SPAG16: variants seen among roughly 807,000 people sequenced by gnomAD.
The protein encoded by SPAG16 is sperm associated antigen 16.
In SPAG16, 86 loss-of-function variants were observed where a neutral mutation model predicts 80.4. That is an observed-to-expected ratio of 1.07 (90% confidence interval 0.90 to 1.28). The LOEUF is 1.28. Ranked by LOEUF, SPAG16 falls within the 50% of genes most tolerant of loss-of-function variation. SPAG16 has a pLI of 0.00. For missense variants in SPAG16, 870 were observed against 765.3 expected (o/e 1.14, Z -1.61); for synonymous variants, 294 against 265.9 (o/e 1.11, Z -1.03).
chr2:214,035,024 T>A (rs547838903), intron 13 of SPAG16, among the ~76,000 whole-genome samples: 100 of 152,254 alleles, frequency 6.6e-4, no homozygotes, highest in Non-Finnish European at 1.1e-3. Context: ...GGAGCTTTAT[T>A]GTGTGATGTA....
chr2:214,141,367 T>G (rs955623298), intron 14 of SPAG16, among the ~76,000 whole-genome samples: 3 of 151,528 alleles, frequency 2.0e-5, no homozygotes, highest in African/African-American at 7.3e-5. Context: ...CTCAGGAGGC[T>G]GAGGCAGGAG....
At chr2:214,012,314 G>A (rs1188749245) in intron 12 of SPAG16, among the ~76,000 whole-genome samples, 1 of 39,736 alleles carries the variant, frequency 2.5e-5, no homozygotes, top group East Asian at 8.4e-4. Context: ...TTTTTTCCTC[G>A]AGAGGGCATC....
At chr2:213,998,084 C>T (rs532424859) in intron 12 of SPAG16, among the ~76,000 whole-genome samples, 4 of 152,030 alleles carry the variant, frequency 2.6e-5, no homozygotes, top group Non-Finnish European at 4.4e-5. Flanking sequence ...ATTATTGTGC[C>T]CTTTTTGTTG....
At chr2:214,390,684 A>G (rs1701026774) in intron 15 of SPAG16, among the ~76,000 whole-genome samples, 1 of 152,176 alleles carries the variant, frequency 6.6e-6, no homozygotes, top group Admixed American at 6.5e-5. Context: ...AGGGGAGCAC[A>G]GCCTGAGTTC....
At chr2:213,731,832 G>A (rs1169176927) in intron 10 of SPAG16, among the ~76,000 whole-genome samples, 1 of 152,060 alleles carries the variant, frequency 6.6e-6, no homozygotes, top group East Asian at 1.9e-4. Context: ...TAGTGTATAT[G>A]TACTACATTT....
intron 14 of SPAG16, among the ~76,000 whole-genome samples, chr2:214,141,666 T>C (rs879810151): frequency 2.6e-5 from 4 of 152,144 alleles, no homozygotes; most frequent in Non-Finnish European, 4.4e-5. Context: ...AACTAAAGCA[T>C]AGAATTTTAG....
intron 10 of SPAG16, among the ~76,000 whole-genome samples, chr2:213,774,707 C>T (rs906819910): frequency 6.6e-6 from 1 of 152,124 alleles, no homozygotes; most frequent in Admixed American, 6.5e-5. Context: ...TAAAGAAACA[C>T]TTAACACTGA....
At chr2:214,311,716 T>A (rs1695337662) in intron 15 of SPAG16, 1 of 152,146 alleles carries the variant, frequency 6.6e-6, no homozygotes, top group African/African-American at 2.4e-5. Context: ...ACCTGCAAAT[T>A]TGATCTTCTT....
At chr2:214,031,672 A>T (rs1337054613) in intron 13 of SPAG16, among the ~76,000 whole-genome samples, 1 of 151,934 alleles carries the variant, frequency 6.6e-6, no homozygotes, top group African/African-American at 2.4e-5. Flanking sequence ...AGACTGGAAG[A>T]CCTTTACGAA....
chr2:213,297,124 T>A (rs1247892501), intron 2 of SPAG16, 138 bp from the exon 3 acceptor site: 2 of 1,481,688 alleles, frequency 1.3e-6, no homozygotes, highest in Admixed American at 4.3e-5. Context: ...TTTTCATGGA[T>A]CTTCAGAATG....
chr2:213,724,794 A>G (rs1302838129), intron 10 of SPAG16, among the ~76,000 whole-genome samples: 3 of 130,410 alleles, frequency 2.3e-5, no homozygotes, highest in Admixed American at 7.4e-5. Flanking sequence ...AAAAAAAAAA[A>G]AAAAAAAGAA....
intron 15 of SPAG16, among the ~76,000 whole-genome samples, chr2:214,260,275 C>T (rs1691043037): frequency 1.3e-5 from 2 of 152,138 alleles, no homozygotes; most frequent in South Asian, 2.1e-4. Flanking sequence ...AATAACTTAT[C>T]CAGGCAACTA....
At chr2:213,792,064 TTCA>T in intron 10 of SPAG16, among the ~76,000 whole-genome samples, 1 of 152,214 alleles carries the variant, frequency 6.6e-6, no homozygotes, top group East Asian at 1.9e-4. Flanking sequence ...CAAGCCAGTA[TTCA>T]TCGAGACAAA....
intron 12 of SPAG16, among the ~76,000 whole-genome samples, chr2:213,940,521 C>G (rs2106285638): frequency 6.6e-6 from 1 of 152,238 alleles, no homozygotes; most frequent in Non-Finnish European, 1.5e-5. Flanking sequence ...TGTCCAATCA[C>G]TGGCCCCAAT....
At position 214,360,513 on chromosome 2, in the gene SPAG16, C is replaced by A. The variant is rs558378322; in HGVS notation, c.1721-49627C>A. On this transcript the variant is annotated intron_variant, in intron 15 of 15. Transcript: ENST00000331683. ...TTCTATAGTTTACCATATTGTTAAGCAAGATTGTGATTGTCATTTTTTCTG... is the reference window on the plus strand; with the variant it reads ...TTCTATAGTTTACCATATTGTTAAGAAAGATTGTGATTGTCATTTTTTCTG... 9.9e-4 allele frequency among the ~76,000 whole-genome samples: 151 copies of A among 151,848 alleles called. No homozygotes were observed. In the Middle Eastern group the frequency reaches 0.01, roughly 10 times the overall value.
intron 15 of SPAG16, among the ~76,000 whole-genome samples, chr2:214,205,404 ATTAC>A (rs2058116146): frequency 6.6e-6 from 1 of 152,208 alleles, no homozygotes; most frequent in Admixed American, 6.5e-5. Flanking sequence ...TGTTGTTTTT[ATTAC>A]TGTAGGAGTT....
chr2:213,306,276 A>G (rs1422382199), intron 3 of SPAG16, among the ~76,000 whole-genome samples: 1 of 148,200 alleles, frequency 6.7e-6, no homozygotes, highest in Non-Finnish European at 1.5e-5. Flanking sequence ...TATCTTTTGA[A>G]AAAACCAACA....
intron 15 of SPAG16, among the ~76,000 whole-genome samples, chr2:214,378,304 A>G (rs1198176108): frequency 6.6e-6 from 1 of 152,234 alleles, no homozygotes; most frequent in Admixed American, 6.5e-5. Context: ...TTCAAATGGC[A>G]GGAAACTCAA....
chr2:213,702,820 T>G (rs889600745), intron 10 of SPAG16, among the ~76,000 whole-genome samples: 1 of 152,272 alleles, frequency 6.6e-6, no homozygotes, highest in Middle Eastern at 3.4e-3. Flanking sequence ...TCAAGAAGAT[T>G]TAAGATTGGC....
Sources: allele counts gnomAD v4.1 joint callset (sites outside exome capture counted in the v4.1 genomes callset), GRCh38; gene constraint gnomAD v4.1.1; transcripts MANE v1.5; gene names NCBI Gene and HGNC (gene_info 2026-07-23, HGNC 2026-07-21).